SNX30: variants seen among roughly 807,000 people sequenced by gnomAD.
SNX30 encodes sorting nexin-30.
In SNX30, 24 loss-of-function variants were observed where a neutral mutation model predicts 46.4. That is an observed-to-expected ratio of 0.52 (90% CI 0.37 to 0.73). The LOEUF (loss-of-function observed/expected upper bound fraction) is 0.73, where lower values mean the gene tolerates loss of function less well. SNX30 is among the 30% of genes least tolerant of loss of function. The pLI is 0.00. For synonymous variants in SNX30, 189 were observed against 211.5 expected (o/e 0.89, Z 0.92); for missense variants, 533 against 555.7 (o/e 0.96, Z 0.41).
chr9:112,851,085 C>A (rs1257143104), intron 7 of SNX30, 140 bp downstream of exon 7: 7 of 540,198 alleles, frequency 1.3e-5, no homozygotes, highest in Non-Finnish European at 2.0e-5. Context: ...TTTTTCACTC[C>A]CTTTTCTGTC....
At chr9:112,798,216 G>A (rs1840145935) in intron 1 of SNX30, among the ~76,000 whole-genome samples, 1 of 90,020 alleles carries the variant, frequency 1.1e-5, no homozygotes, top group Non-Finnish European at 2.1e-5. Flanking sequence ...CCATGCTGGT[G>A]CACTGCACCC....
chr9:112,754,335 A>G (rs1208517798), intron 1 of SNX30, among the ~76,000 whole-genome samples: 2 of 151,654 alleles, frequency 1.3e-5, no homozygotes, highest in Non-Finnish European at 2.9e-5. Flanking sequence ...AGGCTCCCAA[A>G]GGAGGAATCC....
In SNX30 at chr9:112,872,160, C is replaced by T. The variant is rs925486122; in HGVS notation, c.*3317C>T. On this transcript the variant is annotated 3_prime_UTR_variant, in exon 9 of 9. Transcript: ENST00000374232. ...AGATGTTGTTGATTTGAATGGTTTT[C>T]CCAGTTCCCACTCCACATGGGGAAG... 1.1e-4 allele frequency: 16 copies of T among 152,146 alleles called. No homozygotes were observed. The highest frequency in any genetic ancestry group is 3.6e-4 in the African/African-American group (15 of 41,430). 9.4% of individuals were successfully genotyped at this position (152,146 alleles called of 1,614,324 possible).
rs748969389 is a variant in SNX30, at chr9:112,830,764, C to T, written c.499C>T (p.Arg167Cys). 3 of 1,613,098 alleles carry T rather than the reference C, an allele frequency of 1.9e-6. No homozygotes were observed. The highest frequency in any genetic ancestry group is 2.2e-5 in the East Asian group (1 of 44,858). The change falls in exon 4 of 9, where the codon CGT becomes TGT. Residue 167 changes from arginine to cysteine, a missense_variant. This residue lies in a region of SNX30 where 81 missense variants were observed against 124.4 expected (regional missense o/e 0.65). Coordinates refer to ENST00000374232, the MANE Select transcript of SNX30 (RefSeq NM_001012994.2). ...EKFVVKGVVD[R>C]FSEEFVETRR... is the part of the protein sequence containing the mutation. Reference sequence around the variant, plus strand: ...GTTTGTGGTAAAAGGTGTTGTGGATCGTTTTTCAGAAGAGTTTGTGGAGAC... The same window carrying T: ...GTTTGTGGTAAAAGGTGTTGTGGATTGTTTTTCAGAAGAGTTTGTGGAGAC...
intron 2 of SNX30, among the ~76,000 whole-genome samples, chr9:112,809,091 CTT>C (rs34992498): frequency 0.8 from 115,170 of 144,322 alleles, 45,712 homozygotes; most frequent in Middle Eastern, 0.86. Flanking sequence ...GATTTTCTTT[CTT>C]TTTTTTTTTT....
intron 1 of SNX30, among the ~76,000 whole-genome samples, chr9:112,758,552 C>A (rs114842641): frequency 6.6e-6 from 1 of 151,670 alleles, no homozygotes; most frequent in Non-Finnish European, 1.5e-5. Flanking sequence ...CTGGTCTTGA[C>A]GCCTGGCTAA....
chr9:112,787,921 C>T (rs532322134), intron 1 of SNX30, among the ~76,000 whole-genome samples: 72 of 151,970 alleles, frequency 4.7e-4, no homozygotes, highest in Non-Finnish European at 7.9e-4. Context: ...CTCAGCCTCC[C>T]GAGTAGCTGG....
At position 112,767,128 on chromosome 9, in the gene SNX30, T is replaced by A. The variant is rs1301085038; in HGVS notation, c.156+15971T>A. Reference sequence around the variant, plus strand: ...TTTGCCAACACTAATTATTTTATTTTTTTTTTTTGATAGTAGTTATTCTAG... The same window carrying A: ...TTTGCCAACACTAATTATTTTATTTATTTTTTTTGATAGTAGTTATTCTAG... On this transcript the variant is annotated intron_variant, in intron 1 of 8. Transcript: ENST00000374232. 2.9e-3 allele frequency among the ~76,000 whole-genome samples: 439 copies of A among 151,832 alleles called. 3 individuals are homozygous for A. Among genetic ancestry groups the A allele is most frequent in the African/African-American group, 0.01 (422 of 41,456 alleles).
intron 8 of SNX30, chr9:112,866,631 T>C: frequency 2.2e-6 from 1 of 448,106 alleles, no homozygotes; most frequent in South Asian, 1.6e-5. Flanking sequence ...CAGGAAGCAA[T>C]TTCACCACTC....
chr9:112,817,423 T>TTTTTTTTTTTTTTG (rs1280690127), intron 2 of SNX30, among the ~76,000 whole-genome samples: 1 of 104,898 alleles, frequency 9.5e-6, no homozygotes. Context: ...TTTTTTTTTT[T>TTTTTTTTTTTTTTG]TTTTTTTTGA....
Position 112,857,047 on chromosome 9 carries a change from G to C in SNX30, c.1101+6102G>C, listed in dbSNP as rs368890031. On this transcript the variant is annotated intron_variant, in intron 7 of 8. Coordinates refer to ENST00000374232, the MANE Select transcript of SNX30 (RefSeq NM_001012994.2). ...CTCCAAAACTGGTGCCTTTCCCCAG[G>C]GCGCGGGCCCCAGCAGCTGTGCTCC... Among the ~76,000 whole-genome samples, 3 of 152,300 alleles carry C rather than the reference G, an allele frequency of 2.0e-5. No individual in the cohort carries two copies. The East Asian group carries it at 5.8e-4, about 29-fold the overall frequency.
chr9:112,808,308 C>T (rs1328717142), intron 2 of SNX30, among the ~76,000 whole-genome samples: 2 of 152,230 alleles, frequency 1.3e-5, no homozygotes, highest in African/African-American at 4.8e-5. Flanking sequence ...ATTCAGATTC[C>T]TGATGACCAG....
chr9:112,866,388 C>G (rs1195452434), intron 8 of SNX30: 1 of 467,006 alleles, frequency 2.1e-6, no homozygotes, highest in Non-Finnish European at 4.4e-6. Context: ...TAGGAGACAA[C>G]ATACGCAAAG....
chr9:112,865,150 C>T (rs1222850348), intron 8 of SNX30, among the ~76,000 whole-genome samples: 2 of 135,764 alleles, frequency 1.5e-5, no homozygotes, highest in African/African-American at 5.6e-5. Flanking sequence ...ACCCCACATA[C>T]ACACCCCACA....
chr9:112,861,880 C>G (rs1018564987), intron 7 of SNX30, among the ~76,000 whole-genome samples: 1 of 152,204 alleles, frequency 6.6e-6, no homozygotes, highest in Admixed American at 6.5e-5. Context: ...GGTTGGCCGC[C>G]CCCTCCATCC....
intron 1 of SNX30, among the ~76,000 whole-genome samples, chr9:112,759,611 C>A (rs1839406489): frequency 6.6e-6 from 1 of 152,106 alleles, no homozygotes; most frequent in Non-Finnish European, 1.5e-5. Context: ...CACCTGTAGT[C>A]CCAGCTACTT....
intron 6 of SNX30, among the ~76,000 whole-genome samples, chr9:112,846,544 A>G (rs1303260380): frequency 6.6e-6 from 1 of 152,206 alleles, no homozygotes; most frequent in African/African-American, 2.4e-5. Context: ...TGCCTGCAGG[A>G]AAGTGCCCTT....
intron 1 of SNX30, among the ~76,000 whole-genome samples, chr9:112,793,804 G>GTTTTTTTT (rs199882365): frequency 1.4e-5 from 2 of 139,140 alleles, no homozygotes; most frequent in Non-Finnish European, 3.1e-5. Flanking sequence ...ACTGTTTTTT[G>GTTTTTTTT]TTTTTTTTTT....
At chr9:112,836,516 C>T in intron 5 of SNX30, 107 bp downstream of exon 5, 4 of 1,216,926 alleles carry the variant, frequency 3.3e-6, no homozygotes, top group Non-Finnish European at 3.4e-6. Context: ...AGTGACAGAA[C>T]TAGGCCATCT....
Sources: gnomAD v4.1 joint callset for allele counts (sites outside exome capture counted in the v4.1 genomes callset) on GRCh38, gnomAD v4.1.1 for gene constraint, gnomAD v4.1.1 regional missense constraint, MANE v1.5 for transcripts, NCBI Gene and HGNC (gene_info 2026-07-23, HGNC 2026-07-21) for gene names.